The following GIMAP8 variants were observed in gnomAD, a reference collection of about 807,000 sequenced individuals.
The protein encoded by GIMAP8 is GTPase, IMAP family member 8, also known as GTPase IMAP family member 8.
GIMAP8 carries 29 observed loss-of-function variants against 35.6 expected under a neutral mutation model. That is an observed-to-expected ratio of 0.81 (90% confidence interval 0.61 to 1.11). GIMAP8 has a LOEUF of 1.11. Ranked by LOEUF, GIMAP8 falls within the 50% of genes most tolerant of loss-of-function variation. The pLI, the probability that GIMAP8 is intolerant of heterozygous loss-of-function variation, is 0.00. For missense variants in GIMAP8, 811 were observed against 805.0 expected (o/e 1.01, Z -0.09); for synonymous variants, 335 against 308.7 (o/e 1.09, Z -0.89).
At chr7:150,461,568 GT>G (rs1048380383) in intron 1 of GIMAP8, among the ~76,000 whole-genome samples, 23 of 151,890 alleles carry the variant, frequency 1.5e-4, no homozygotes, top group African/African-American at 5.1e-4. Context: ...TGTGCGATAT[GT>G]TTTTTTTAAT....
chr7:150,471,754 T>A (rs1361970997), intron 3 of GIMAP8, among the ~76,000 whole-genome samples: 1 of 151,980 alleles, frequency 6.6e-6, no homozygotes, highest in Non-Finnish European at 1.5e-5. Flanking sequence ...TGAGAATCAC[T>A]TGAATCTGGG....
intron 3 of GIMAP8, among the ~76,000 whole-genome samples, chr7:150,473,080 G>A (rs188929729): frequency 7.9e-5 from 12 of 152,314 alleles, no homozygotes; most frequent in African/African-American, 2.9e-4. Context: ...CTTTGATGCT[G>A]TGTCCATCCC....
intron 4 of GIMAP8, among the ~76,000 whole-genome samples, chr7:150,476,769 C>CA (rs1344710599): frequency 6.6e-6 from 1 of 152,170 alleles, no homozygotes; most frequent in Non-Finnish European, 1.5e-5. Flanking sequence ...AGGGGACACT[C>CA]ACAGGTGCCA....
At chr7:150,459,363 CATT>C (rs370365793) in intron 1 of GIMAP8, among the ~76,000 whole-genome samples, 61 of 152,302 alleles carry the variant, frequency 4.0e-4, no homozygotes, top group African/African-American at 1.3e-3. Flanking sequence ...TCAATGGAGT[CATT>C]GTTGTATCTC....
At chr7:150,468,680 A>G (rs1305819373) in intron 2 of GIMAP8, among the ~76,000 whole-genome samples, 2 of 152,222 alleles carry the variant, frequency 1.3e-5, no homozygotes, top group Non-Finnish European at 2.9e-5. Context: ...GAACATAGAA[A>G]AAGTTAGAAG....
chr7:150,464,181 T>C (rs532109208), intron 1 of GIMAP8, among the ~76,000 whole-genome samples: 3 of 152,286 alleles, frequency 2.0e-5, no homozygotes, highest in Non-Finnish European at 4.4e-5. Context: ...CACATAAGTA[T>C]GATAAAAAGG....
intron 3 of GIMAP8, among the ~76,000 whole-genome samples, chr7:150,471,442 T>C (rs529675789): frequency 6.6e-6 from 1 of 152,376 alleles, no homozygotes; most frequent in East Asian, 1.9e-4. Context: ...GTCAGCCCTG[T>C]GCAAGCTCTG....
intron 1 of GIMAP8, among the ~76,000 whole-genome samples, chr7:150,457,389 C>G (rs758554782): frequency 2.0e-5 from 3 of 152,182 alleles, no homozygotes; most frequent in Non-Finnish European, 2.9e-5. Context: ...TGTTTATGGC[C>G]AGTTTCTCAT....
At chr7:150,469,266 T>C (rs1172593584) in intron 2 of GIMAP8, among the ~76,000 whole-genome samples, 1 of 152,188 alleles carries the variant, frequency 6.6e-6, no homozygotes, top group Non-Finnish European at 1.5e-5. Flanking sequence ...GGTTTGCTTT[T>C]ATTTCTCCAT....
At chr7:150,468,476 G>T (rs1265725279) in intron 2 of GIMAP8, among the ~76,000 whole-genome samples, 4 of 152,160 alleles carry the variant, frequency 2.6e-5, no homozygotes, top group Non-Finnish European at 4.4e-5. Context: ...TGTACAGCAG[G>T]CACACACTGA....
chr7:150,474,883 C>A (rs939324698), intron 4 of GIMAP8, among the ~76,000 whole-genome samples: 4 of 151,582 alleles, frequency 2.6e-5, no homozygotes, highest in Non-Finnish European at 5.9e-5. Context: ...ACTCCCCCCA[C>A]CCCACAACAG....
At chr7:150,475,669 C>G (rs912641123) in intron 4 of GIMAP8, among the ~76,000 whole-genome samples, 1 of 152,100 alleles carries the variant, frequency 6.6e-6, no homozygotes, top group Non-Finnish European at 1.5e-5. Context: ...ACATCCTCAC[C>G]CAGGAAGAAG....
chr7:150,454,192 G>C (rs1028812988), intron 1 of GIMAP8, among the ~76,000 whole-genome samples: 2 of 151,958 alleles, frequency 1.3e-5, no homozygotes, highest in East Asian at 3.9e-4. Flanking sequence ...AGAGCAGCTG[G>C]GCACAAGGTA....
At chr7:150,475,579 C>T (rs1003397243) in intron 4 of GIMAP8, among the ~76,000 whole-genome samples, 8 of 152,200 alleles carry the variant, frequency 5.3e-5, no homozygotes, top group Admixed American at 4.6e-4. Context: ...GGCTCCTCAT[C>T]CACTTAGTGC....
Position 150,466,714 on chromosome 7 carries a change from T to TG in GIMAP8, c.17dup (p.Cys6TrpfsTer37). The TG allele has an allele frequency of 6.2e-7, 1 of 1,614,090 alleles. No homozygotes were observed. Among genetic ancestry groups the TG allele is most frequent in the Non-Finnish European group, 8.5e-7 (1 of 1,180,032 alleles). On this transcript the variant is annotated frameshift_variant, in exon 2 of 5. Transcript: ENST00000307271. LOFTEE classifies it high-confidence loss of function. ...TCAGGAAAGCATGTCAGAGCAGAGC[T>TG]GCCAGATGTCCGAACTGCGGCTCCT...
chr7:150,477,717 A>G lies in GIMAP8; in HGVS notation c.1935A>G (p.Lys645=), dbSNP rs759842657. Reference sequence around the variant, plus strand: ...AGGAGAACGTCAGCAAACTAATTAAAAATGTCCAGGAAATGTCCCAAGCCG... The same window carrying G: ...AGGAGAACGTCAGCAAACTAATTAAGAATGTCCAGGAAATGTCCCAAGCCG... ...HTQENVSKLI[K]NVQEMSQAEK... Residue 645 remains lysine (K), a synonymous_variant, in exon 5 of 5, where the codon AAA becomes AAG. Transcript: ENST00000307271. 6.2e-7 allele frequency: 1 copy of G among 1,614,194 alleles called. No individual in the cohort carries two copies. Among genetic ancestry groups the G allele is most frequent in the Non-Finnish European group, 8.5e-7 (1 of 1,180,036 alleles).
Position 150,467,058 on chromosome 7 carries a change from GT to G in GIMAP8, c.363del (p.Phe121LeufsTer73). ...EETAKGIQQV[F>X]GAEARRHIII... is the part of the protein sequence containing the mutation. The stretch of plus-strand genomic sequence containing the variant: ...AAACAGCCAAGGGCATCCAACAAGT[GT>G]TTGGAGCTGAAGCCAGGAGGCACAT... On this transcript the variant is annotated frameshift_variant, in exon 2 of 5. Coordinates refer to ENST00000307271, the MANE Select transcript of GIMAP8 (RefSeq NM_175571.4). LOFTEE classifies it high-confidence loss of function. The G allele has an allele frequency of 2.5e-6, 4 of 1,614,222 alleles. No homozygotes were observed. The highest frequency in any genetic ancestry group is 3.4e-6 in the Non-Finnish European group (4 of 1,180,036).
At chr7:150,467,446 T>C (rs1159516996) in intron 2 of GIMAP8, 112 bp downstream of exon 2, 2 of 822,856 alleles carry the variant, frequency 2.4e-6, no homozygotes, top group African/African-American at 3.5e-5. Flanking sequence ...GGGTTTTGTT[T>C]AATAAGATAT....
chr7:150,477,499 G>C lies in GIMAP8; in HGVS notation c.1717G>C (p.Gly573Arg). The part of the protein sequence containing the change: ...LFTRKEDLGA[G>R]NLEDFMKNSD... ...CACCCGGAAGGAAGACCTAGGGGCG[G>C]GGAATTTGGAAGACTTCATGAAGAA... Residue 573 changes from glycine to arginine, a missense_variant, in exon 5 of 5, where the codon GGG becomes CGG. Transcript: ENST00000307271. 7 of 1,614,178 alleles carry C rather than the reference G, an allele frequency of 4.3e-6. No homozygotes were observed. Among genetic ancestry groups the C allele is most frequent in the Non-Finnish European group, 5.9e-6 (7 of 1,180,028 alleles).
Sources: gnomAD v4.1 joint callset for allele counts (sites outside exome capture counted in the v4.1 genomes callset) on GRCh38, gnomAD v4.1.1 for gene constraint, MANE v1.5 for transcripts, NCBI Gene and HGNC (gene_info 2026-07-23, HGNC 2026-07-21) for gene names.